Variants in ATP11A observed in about 807,000 individuals in gnomAD.
ATP11A encodes phospholipid-transporting ATPase IH.
In ATP11A, 81 loss-of-function variants were observed where a neutral mutation model predicts 154.4. The ratio of observed to expected loss-of-function variants is 0.52; its 90% CI spans 0.44 to 0.63. The LOEUF (loss-of-function observed/expected upper bound fraction) is 0.63. Ranked by LOEUF, ATP11A falls within the 30% of genes least tolerant of loss-of-function variation. The pLI is 0.00. For missense variants in ATP11A, 1,316 were observed against 1,474.3 expected (o/e 0.89, Z 1.76); for synonymous variants, 623 against 585.9 (o/e 1.06, Z -0.91).
intron 1 of ATP11A, among the ~76,000 whole-genome samples, chr13:112,728,749 C>G (rs1167618974): frequency 6.6e-6 from 1 of 152,144 alleles, no homozygotes; most frequent in Non-Finnish European, 1.5e-5. Context: ...CCTTTAACTA[C>G]AAATATTCTG....
chr13:112,792,783 A>G (rs538753999), intron 2 of ATP11A, among the ~76,000 whole-genome samples: 54 of 152,276 alleles, frequency 3.5e-4, no homozygotes, highest in African/African-American at 1.3e-3. Flanking sequence ...CCTGAACTCC[A>G]CAAAGGGATG....
chr13:112,783,836 T>A (rs922065358), intron 1 of ATP11A, among the ~76,000 whole-genome samples: 4 of 152,226 alleles, frequency 2.6e-5, no homozygotes, highest in African/African-American at 7.2e-5. Context: ...CTGAGTGTTG[T>A]TGAAATATTT....
At chr13:112,840,485 T>C (rs928890137) in intron 16 of ATP11A, among the ~76,000 whole-genome samples, 1 of 33,030 alleles carries the variant, frequency 3.0e-5, no homozygotes, top group African/African-American at 1.3e-4. Flanking sequence ...CCTACTCTCC[T>C]GTCCCCTCCA....
intron 2 of ATP11A, among the ~76,000 whole-genome samples, chr13:112,787,027 G>A (rs901415732): frequency 2.7e-5 from 4 of 147,906 alleles, no homozygotes; most frequent in Non-Finnish European, 4.4e-5. Context: ...GTCCTGATGC[G>A]TAGACCCCTG....
intron 1 of ATP11A, among the ~76,000 whole-genome samples, chr13:112,716,980 C>G (rs1053212553): frequency 5.9e-5 from 9 of 152,106 alleles, no homozygotes; most frequent in African/African-American, 2.2e-4. Context: ...TGTCCACCCA[C>G]AGACGCAGAC....
Position 112,875,104 on chromosome 13 carries a change from C to T in ATP11A, c.3162-672C>T, listed in dbSNP as rs538194894. On this transcript the variant is annotated intron_variant, in intron 27 of 29. Transcript: ENST00000375645. This position sits in a 1 kb window ranked among gnomAD's most constrained non-coding sequence, Gnocchi z 4.1. ...CCCAGGTCTGCCAGCAGCTGCGTGT[C>T]CCTCCCGTTACCCACCATGCCCTGC... 7.4e-4 allele frequency among the ~76,000 whole-genome samples: 112 copies of T among 152,330 alleles called. No homozygotes were observed. The highest frequency in any genetic ancestry group is 2.0e-3 in the African/African-American group (84 of 41,588).
chr13:112,778,104 A>G (rs571072863), intron 1 of ATP11A, among the ~76,000 whole-genome samples: 15 of 152,186 alleles, frequency 9.9e-5, no homozygotes, highest in Non-Finnish European at 2.1e-4. Flanking sequence ...AATGAGTCAG[A>G]TGGGCATGTT....
intron 8 of ATP11A, 51 bp from the exon 9 acceptor site, chr13:112,823,294 T>A: frequency 6.9e-7 from 1 of 1,455,986 alleles, no homozygotes; most frequent in Non-Finnish European, 9.6e-7. Context: ...CCCCCCGCCC[T>A]GCCCACTTGC....
intron 17 of ATP11A, among the ~76,000 whole-genome samples, chr13:112,847,686 A>G (rs1227388938): frequency 6.6e-6 from 1 of 152,258 alleles, no homozygotes; most frequent in African/African-American, 2.4e-5. Flanking sequence ...AAACCAGGAT[A>G]TGTGAGTCTT....
At chr13:112,726,332 C>T (rs897674121) in intron 1 of ATP11A, among the ~76,000 whole-genome samples, 2 of 145,296 alleles carry the variant, frequency 1.4e-5, no homozygotes, top group African/African-American at 5.2e-5. Context: ...AAAGAGAAGG[C>T]CTGGGGGGCA....
At chr13:112,777,367 C>T (rs1241698966) in intron 1 of ATP11A, among the ~76,000 whole-genome samples, 2 of 152,100 alleles carry the variant, frequency 1.3e-5, no homozygotes, top group African/African-American at 4.8e-5. Context: ...AGTTTGAGAC[C>T]AGCCTGGCCA....
intron 4 of ATP11A, among the ~76,000 whole-genome samples, chr13:112,806,795 C>T (rs1286045030): frequency 6.6e-6 from 1 of 152,042 alleles, no homozygotes; most frequent in African/African-American, 2.4e-5. Flanking sequence ...GTGTTCAGTC[C>T]CTCCCCATTT....
rs144560654 is a variant in ATP11A, at chr13:112,713,564, T to G, written c.39+23109T>G. 2.0e-5 allele frequency among the ~76,000 whole-genome samples: 3 copies of G among 152,338 alleles called. No homozygotes were observed. In the East Asian group the frequency reaches 5.8e-4, roughly 29 times the overall value. On this transcript the variant is annotated intron_variant, in intron 1 of 29. Coordinates refer to ENST00000375645, the MANE Select transcript of ATP11A (RefSeq NM_015205.3). ...GTGACAGATAGTTTTGTAGTATTTG[T>G]TAAAGTGCCATCATAGCCGCCTGTG... is the stretch of plus-strand genomic sequence containing the variant.
intron 1 of ATP11A, among the ~76,000 whole-genome samples, chr13:112,774,798 T>G (rs1223423119): frequency 1.3e-5 from 2 of 152,240 alleles, no homozygotes; most frequent in African/African-American, 4.8e-5. Context: ...GAACGCTCTT[T>G]CCTATGGGCC....
In ATP11A at chr13:112,826,727, A is replaced by C; in HGVS notation, c.1057A>C (p.Met353Leu). 6.2e-7 allele frequency: 1 copy of C among 1,614,184 alleles called. No homozygotes were observed. Among genetic ancestry groups the C allele is most frequent in the Non-Finnish European group, 8.5e-7 (1 of 1,180,036 alleles). Reference sequence around the variant, plus strand: ...GGCATTCACGGACTTCCTGGCCTTCATGGTCCTCTTTAACTACATCATCCC... The same window carrying C: ...GGCATTCACGGACTTCCTGGCCTTCCTGGTCCTCTTTAACTACATCATCCC... ...LKAFTDFLAF[M>L]VLFNYIIPVS... Residue 353 changes from methionine to leucine, a missense_variant, in exon 12 of 30, where the codon ATG becomes CTG. Met to Leu is a conservative substitution (Grantham distance 15, BLOSUM62 2). Around this residue, in one of 5 missense-constraint regions of ATP11A, gnomAD observed 876 missense variants for 1,006.8 expected, o/e 0.87. Coordinates refer to ENST00000375645, the MANE Select transcript of ATP11A (RefSeq NM_015205.3).
chr13:112,856,673 A>AC (rs2079936905), intron 20 of ATP11A: 3 of 11,670 alleles, frequency 2.6e-4, no homozygotes, highest in Non-Finnish European at 2.3e-4. Context: ...TATGGAATGT[A>AC]TTGTAAACAT....
At chr13:112,872,024 C>T (rs1203514174) in intron 26 of ATP11A, among the ~76,000 whole-genome samples, 1 of 152,192 alleles carries the variant, frequency 6.6e-6, no homozygotes, top group Non-Finnish European at 1.5e-5. Flanking sequence ...ATGTGCAAAC[C>T]CCAGAGCTAC....
chr13:112,862,597 G>T, intron 25 of ATP11A, 22 bp downstream of exon 25: 1 of 1,613,680 alleles, frequency 6.2e-7, no homozygotes, highest in Admixed American at 1.7e-5. Context: ...GCTCGATTGC[G>T]CTGACTTAGC....
intron 1 of ATP11A, among the ~76,000 whole-genome samples, chr13:112,723,746 C>G (rs1024286742): frequency 1.3e-5 from 2 of 152,032 alleles, no homozygotes; most frequent in African/African-American, 4.8e-5. Flanking sequence ...TCCATTCAGT[C>G]GGAAGGGGCT....
Sources: allele counts gnomAD v4.1 joint callset (sites outside exome capture counted in the v4.1 genomes callset), GRCh38; gene constraint gnomAD v4.1.1; regional missense constraint gnomAD v4.1.1; non-coding constraint Gnocchi (gnomAD v3.1); transcripts MANE v1.5; gene names NCBI Gene and HGNC (gene_info 2026-07-23, HGNC 2026-07-21).